Variants in DNHD1 observed in about 807,000 individuals in gnomAD.
The protein encoded by DNHD1 is dynein heavy chain domain 1.
A neutral mutation model predicts 458.1 loss-of-function variants in DNHD1; 383 were observed. That is an observed-to-expected ratio of 0.84 (90% confidence interval 0.77 to 0.91). DNHD1 has a LOEUF of 0.91. Among genes scored for constraint, DNHD1 ranks in the 40% least tolerant of loss-of-function variants. DNHD1 has a pLI of 0.00. For synonymous variants in DNHD1, 2,203 were observed against 2,376.9 expected (o/e 0.93, Z 2.13); for missense variants, 5,336 against 5,866.1 (o/e 0.91, Z 2.95).
intron 12 of DNHD1, 31 bp from the exon 13 acceptor site, chr11:6,532,996 G>A (rs757357774): frequency 3.2e-5 from 50 of 1,545,704 alleles, no homozygotes; most frequent in Admixed American, 9.9e-5. Flanking sequence ...TTTTTTATGC[G>A]TCCCCTCACA....
intron 37 of DNHD1, 106 bp downstream of exon 37, chr11:6,568,348 T>C (rs1194134175): frequency 6.4e-7 from 1 of 1,567,002 alleles, no homozygotes; most frequent in Non-Finnish European, 8.6e-7. Context: ...ACTTGTCCAC[T>C]TGGCCTTGTA....
Position 6,567,472 on chromosome 11 carries a change from A to G in DNHD1, c.11963A>G (p.His3988Arg), listed in dbSNP as rs1401699927. 3 of 1,613,030 alleles carry G rather than the reference A, an allele frequency of 1.9e-6. No homozygotes were observed. Among genetic ancestry groups the G allele is most frequent in the African/African-American group, 2.7e-5 (2 of 74,930 alleles). Residue 3988 changes from histidine to arginine, a missense_variant, in exon 36 of 43, where the codon CAT becomes CGT. His to Arg is a conservative substitution (Grantham distance 29). Transcript: ENST00000254579. Reference protein sequence around the residue: ...RPAWLGPKAWHECEMLELLPP... With the variant: ...RPAWLGPKAWRECEMLELLPP... ...GCCTGGCTTGGGCCAAAAGCCTGGC[A>G]TGAATGTGAGATGTTAGAGCTGCTG...
chr11:6,561,671 G>T lies in DNHD1; in HGVS notation c.9520-1311G>T, dbSNP rs933485548. On this transcript the variant is annotated intron_variant, in intron 28 of 42. Coordinates refer to ENST00000254579, the MANE Select transcript of DNHD1 (RefSeq NM_144666.3). ...ACAGAGCGTGTATATAACATGGTAG[G>T]AGCTCAAAAACATTCACTAACTGTA... Among the ~76,000 whole-genome samples, 6 of 152,184 alleles carry T rather than the reference G, an allele frequency of 3.9e-5. 1 individual carries two copies. In the South Asian group the frequency reaches 1.2e-3, roughly 32 times the overall value.
chr11:6,519,838 T>C lies in DNHD1; in HGVS notation c.1631T>C (p.Val544Ala), dbSNP rs184949019. 9 of 1,612,650 alleles carry C rather than the reference T, an allele frequency of 5.6e-6. No homozygotes were observed. In the Admixed American group the frequency reaches 1.0e-4, roughly 18 times the overall value. Reference sequence around the variant, plus strand: ...TTGGAAGAGCAGATAACCTCTTTTGTGGCCAACATCCTTCAAGTGAGGTGG... The same window carrying C: ...TTGGAAGAGCAGATAACCTCTTTTGCGGCCAACATCCTTCAAGTGAGGTGG... ...SVLEEQITSFVANILQAPRQK... is the reference protein window; with the variant it reads ...SVLEEQITSFAANILQAPRQK... Residue 544 changes from valine (V) to alanine (A), a missense_variant, in exon 8 of 43, where the codon GTG becomes GCG. Physicochemically the swap from Val to Ala is moderately conservative, Grantham distance 64. Transcript: ENST00000254579.
At chr11:6,519,892 G>T in intron 8 of DNHD1, 38 bp downstream of exon 8, 1 of 1,612,944 alleles carries the variant, frequency 6.2e-7, no homozygotes. Context: ...GTGGCAGGCA[G>T]TCCAGGGCCA....
Position 6,563,532 on chromosome 11 carries a change from A to C in DNHD1, c.9820A>C (p.Lys3274Gln). The change falls in exon 30 of 43, where the codon AAA (lysine) becomes CAA (glutamine). Residue 3274 changes from lysine (K) to glutamine (Q), a missense_variant. Transcript: ENST00000254579. Reference sequence around the variant, plus strand: ...CCATGAAACAGGCTGGGCCAGTGCCAAACAGCTGTTATGCACTGAGGATTT... The same window carrying C: ...CCATGAAACAGGCTGGGCCAGTGCCCAACAGCTGTTATGCACTGAGGATTT... ...FHHETGWASA[K>Q]QLLCTEDFYQ... 1 of 1,551,692 alleles carries C rather than the reference A, an allele frequency of 6.4e-7. No homozygotes were observed. The highest frequency in any genetic ancestry group is 1.2e-5 in the South Asian group (1 of 84,064).
chr11:6,541,054 A>G (rs1347923324), intron 18 of DNHD1, among the ~76,000 whole-genome samples: 3 of 152,164 alleles, frequency 2.0e-5, no homozygotes, highest in African/African-American at 7.2e-5. Context: ...AGACACTTTT[A>G]AAGTCCTTAT....
chr11:6,528,780 T>C lies in DNHD1; in HGVS notation c.2096T>C (p.Leu699Pro). The C allele has an allele frequency of 6.4e-7, 1 of 1,551,546 alleles. No individual in the cohort carries two copies. The highest frequency in any genetic ancestry group is 8.7e-7 in the Non-Finnish European group (1 of 1,146,868). The change falls in exon 11 of 43, where the codon CTG becomes CCG. Residue 699 changes from leucine (L) to proline (P), a missense_variant. Coordinates refer to ENST00000254579, the MANE Select transcript of DNHD1 (RefSeq NM_144666.3). The stretch of plus-strand genomic sequence containing the variant: ...CAGGCACTGAATATACAACAGGTGC[T>C]GCTGGAGGTGAGAACAGTGGTTTAA... The part of the protein sequence containing the change: ...IQQALNIQQV[L>P]LEGVLCKVQE...
chr11:6,570,970 G>C lies in DNHD1; in HGVS notation c.13458G>C (p.Glu4486Asp), dbSNP rs974173782. ...GGCGGCCTCTGGAGGGCGTCTTAGAGACCGAGGCTCTAGAACTGAGCCAGT... is the reference window on the plus strand; with the variant it reads ...GGCGGCCTCTGGAGGGCGTCTTAGACACCGAGGCTCTAGAACTGAGCCAGT... ...NARRPLEGVL[E>D]TEALELSQLV... Residue 4486 changes from glutamate (E) to aspartate (D), a missense_variant, in exon 42 of 43, where the codon GAG becomes GAC. Around this residue, in one of 4 missense-constraint regions of DNHD1, gnomAD observed 698 missense variants for 664.9 expected, o/e 1.05. Coordinates refer to ENST00000254579, the MANE Select transcript of DNHD1 (RefSeq NM_144666.3). The C allele has an allele frequency of 2.5e-6, 4 of 1,606,864 alleles. No individual in the cohort carries two copies. Among genetic ancestry groups the C allele is most frequent in the Non-Finnish European group, 3.4e-6 (4 of 1,174,454 alleles).
chr11:6,530,482 A>G (rs748384055), intron 12 of DNHD1, among the ~76,000 whole-genome samples: 1 of 152,126 alleles, frequency 6.6e-6, no homozygotes, highest in African/African-American at 2.4e-5. Flanking sequence ...TTCTTTTAGG[A>G]AATATGGAGG....
intron 24 of DNHD1, 152 bp downstream of exon 24, chr11:6,549,085 G>T: frequency 1.2e-6 from 1 of 843,506 alleles, no homozygotes; most frequent in Non-Finnish European, 1.8e-6. Context: ...TATGCTCCCT[G>T]AACAATCCCA....
intron 7 of DNHD1, among the ~76,000 whole-genome samples, chr11:6,512,345 C>T (rs1048757560): frequency 5.3e-5 from 8 of 150,564 alleles, no homozygotes; most frequent in Admixed American, 4.6e-4. Context: ...CTCAGCCTCC[C>T]AAGTAGCTGG....
rs1565003444 is a variant in DNHD1 at position 6,528,438 on chromosome 11, C to CGTGTGTGTGTGTGT, written c.1838-84_1838-83insGTGTGTGTGTGTGT. 6.1e-6 allele frequency: 6 copies of CGTGTGTGTGTGTGT among 987,282 alleles called. No homozygotes were observed. In the African/African-American group the frequency reaches 1.1e-4, roughly 19 times the overall value. 61.2% of individuals were successfully genotyped at this position (987,282 alleles called of 1,614,324 possible). A position where few individuals can be genotyped will look rare whatever the true frequency, so the allele number is the denominator to read the frequency against. On this transcript the variant is annotated intron_variant, in intron 10 of 42. Coordinates refer to ENST00000254579, the MANE Select transcript of DNHD1 (RefSeq NM_144666.3). ...GTGTGTGTGTGTGTGTGTGTGTGTA[C>CGTGTGTGTGTGTGT]ACACACTGAGGGCAAGGAGAAAGGA...
intron 7 of DNHD1, among the ~76,000 whole-genome samples, chr11:6,517,584 C>G (rs767407031): frequency 2.0e-4 from 30 of 147,546 alleles, no homozygotes; most frequent in African/African-American, 6.4e-4. Context: ...CACGTATGAA[C>G]CTGGGGACAT....
In DNHD1 at chr11:6,558,708, C is replaced by A. The variant is rs765450088; in HGVS notation, c.9211+15C>A. 1.4e-5 allele frequency: 22 copies of A among 1,546,706 alleles called. No individual in the cohort carries two copies. The highest frequency in any genetic ancestry group is 1.8e-5 in the Non-Finnish European group (21 of 1,146,726). The stretch of plus-strand genomic sequence containing the variant: ...CCTTGATGACGGTAAGCCCTTTTTA[C>A]TTGTCCTTACCACTCATCTCTACCA... On this transcript the variant is annotated intron_variant, in intron 26 of 42. Coordinates refer to ENST00000254579, the MANE Select transcript of DNHD1 (RefSeq NM_144666.3).
intron 28 of DNHD1, among the ~76,000 whole-genome samples, chr11:6,560,692 C>T (rs1853569068): frequency 6.6e-6 from 1 of 152,046 alleles, no homozygotes; most frequent in African/African-American, 2.4e-5. Flanking sequence ...ATCCCTTGGT[C>T]GTTCATTCAA....
chr11:6,542,763 C>T (rs1174006720), intron 18 of DNHD1, among the ~76,000 whole-genome samples: 1 of 152,126 alleles, frequency 6.6e-6, no homozygotes. Context: ...TATTAATCTC[C>T]CCTTTAGATT....
At chr11:6,540,143 C>T (rs2134421559) in intron 18 of DNHD1, 60 bp downstream of exon 18, 1 of 1,439,444 alleles carries the variant, frequency 6.9e-7, no homozygotes, top group Admixed American at 2.0e-5. Flanking sequence ...TTTCATCCAC[C>T]ATATCCATCA....
In DNHD1 at chr11:6,571,378, C is replaced by A; in HGVS notation, c.13866C>A (p.Leu4622=). Residue 4622 remains leucine, a synonymous_variant, in exon 42 of 43, where the codon CTC becomes CTA. Transcript: ENST00000254579. This position sits in a 1 kb window ranked among gnomAD's most constrained non-coding sequence, Gnocchi z 5.0. ...PGSRGSVSSQ[L]QYKRLEMNSN... is the part of the protein sequence containing the mutation. ...GCCGAGGCTCGGTCTCCAGTCAGCT[C>A]CAGTATAAACGTCTGGAGATGAACA... 1.9e-6 allele frequency: 3 copies of A among 1,611,980 alleles called. No individual in the cohort carries two copies. Among genetic ancestry groups the A allele is most frequent in the Non-Finnish European group, 2.5e-6 (3 of 1,179,116 alleles).
Sources: allele counts gnomAD v4.1 joint callset (sites outside exome capture counted in the v4.1 genomes callset), GRCh38; gene constraint gnomAD v4.1.1; regional missense constraint gnomAD v4.1.1; non-coding constraint Gnocchi (gnomAD v3.1); transcripts MANE v1.5; gene names NCBI Gene and HGNC (gene_info 2026-07-23, HGNC 2026-07-21).